The following TFB1M variants were observed in gnomAD, a reference collection of about 807,000 sequenced individuals.
TFB1M encodes transcription factor B1, mitochondrial, also known as dimethyladenosine transferase 1, mitochondrial.
In TFB1M, 27 loss-of-function variants were observed where a neutral mutation model predicts 31.1. The observed-to-expected ratio is 0.87, with a 90% confidence interval of 0.64 to 1.20. The LOEUF (loss-of-function observed/expected upper bound fraction) is 1.20, where lower values mean the gene tolerates loss of function less well. Ranked by LOEUF, TFB1M falls within the 50% of genes most tolerant of loss-of-function variation. The pLI, the probability that TFB1M is intolerant of heterozygous loss-of-function variation, is 0.00. For missense variants in TFB1M, 394 were observed against 418.7 expected, an observed-to-expected ratio of 0.94 and a Z score of 0.51; for synonymous variants, 166 against 151.8, an observed-to-expected ratio of 1.09 and a Z score of -0.69.
intron 1 of TFB1M, chr6:155,313,026 T>C (rs1440106004): frequency 1.3e-5 from 2 of 152,072 alleles, no homozygotes; most frequent in Admixed American, 6.6e-5. Context: ...GGCGAGTGGA[T>C]CACTTGAGAT....
At chr6:155,313,177 G>A (rs1033517151) in intron 1 of TFB1M, 1 of 151,970 alleles carries the variant, frequency 6.6e-6, no homozygotes, top group South Asian at 2.1e-4. Context: ...AACCGGGGAG[G>A]CGGAGGTTGC....
downstream of TFB1M, among the ~76,000 whole-genome samples, chr6:155,251,782 AT>A (rs1783671119): frequency 6.6e-6 from 1 of 152,246 alleles, no homozygotes; most frequent in Non-Finnish European, 1.5e-5. Context: ...TAGTTCAAAT[AT>A]GAGCGAAAGG....
the TFB1M span, chr6:155,250,456 G>T: frequency 2.6e-6 from 3 of 1,160,588 alleles, no homozygotes; most frequent in South Asian, 2.9e-5. Context: ...GCATAGTTTA[G>T]GGAGAAAATG....
intron 2 of TFB1M, among the ~76,000 whole-genome samples, chr6:155,305,870 G>A (rs1777742201): frequency 6.8e-6 from 1 of 147,138 alleles, no homozygotes; most frequent in Non-Finnish European, 1.5e-5. Flanking sequence ...CTGATAAATT[G>A]CACTTCATAA....
chr6:155,251,999 A>G (rs1783689256), downstream of TFB1M: 3 of 1,604,902 alleles, frequency 1.9e-6, no homozygotes, highest in Admixed American at 1.7e-5. Flanking sequence ...CTGAAAAAGA[A>G]ATTGGTAAGG....
Position 155,257,133 on chromosome 6 carries a change from C to CCAGATAT in TFB1M, c.*696_*702dup, listed in dbSNP as rs757958148. On this transcript the variant is annotated 3_prime_UTR_variant, in exon 7 of 7. Coordinates refer to ENST00000367166, the MANE Select transcript of TFB1M (RefSeq NM_016020.4). ...ACGGAAAATCATAGTATGATTCAATCCAGATATGGGTTAAATTCCTCATTT... is the reference window on the plus strand; with the variant it reads ...ACGGAAAATCATAGTATGATTCAATCCAGATATCAGATATGGGTTAAATTCCTCATTT... The CCAGATAT allele has an allele frequency of 1.2e-6, 2 of 1,607,962 alleles. No homozygotes were observed. Among genetic ancestry groups the CCAGATAT allele is most frequent in the Non-Finnish European group, 1.7e-6 (2 of 1,178,164 alleles).
In TFB1M at chr6:155,281,089, GAAT is replaced by G. The variant is rs200425569; in HGVS notation, c.666+4066_666+4068del. The stretch of plus-strand genomic sequence containing the variant: ...AATTATAATCCTTATTTTTATATCA[GAAT>G]ACTACAACTTAGTCCATAAATATTT... On this transcript the variant is annotated intron_variant, in intron 5 of 6. Transcript: ENST00000367166. Among the ~76,000 whole-genome samples the G allele has an allele frequency of 8.7e-3, 1,328 of 152,180 alleles. 10 individuals carry two copies. The highest frequency in any genetic ancestry group is 0.051 in the Middle Eastern group (15 of 294).
rs1162813321 is a variant in TFB1M at position 155,295,387 on chromosome 6, A to G, written c.546+1566T>C. Among the ~76,000 whole-genome samples the G allele has an allele frequency of 2.6e-5, 4 of 152,066 alleles. No homozygotes were observed. In the South Asian group the frequency reaches 6.2e-4, roughly 24 times the overall value. ...TCCAAAAAAAAAAAAGGACAAAACT[A>G]AAGTGTATTCATCATAGGAATATAA... On this transcript the variant is annotated intron_variant, in intron 4 of 6. Coordinates refer to ENST00000367166, the MANE Select transcript of TFB1M (RefSeq NM_016020.4).
the TFB1M span, chr6:155,245,609 C>T: frequency 2.1e-4 from 344 of 1,605,700 alleles, no homozygotes; most frequent in African/African-American, 4.5e-3. Flanking sequence ...TGACTTTCCC[C>T]TCTGCCCTTC....
At chr6:155,239,030 G>A in the TFB1M span, among the ~76,000 whole-genome samples, 1 of 152,160 alleles carries the variant, frequency 6.6e-6, no homozygotes, top group South Asian at 2.1e-4. Flanking sequence ...GCTTCAGTTT[G>A]TCAAGAGACA....
At chr6:155,234,593 T>C in the TFB1M span, among the ~76,000 whole-genome samples, 2 of 152,222 alleles carry the variant, frequency 1.3e-5, no homozygotes, top group Admixed American at 6.5e-5. Flanking sequence ...TTTGTAGCGA[T>C]GGGTTTCCCT....
rs921405025 is a variant in TFB1M, at chr6:155,257,464, T to A, written c.*372A>T. The A allele has an allele frequency of 4.1e-5, 14 of 340,066 alleles. No homozygotes were observed. The highest frequency in any genetic ancestry group is 6.9e-5 in the East Asian group (1 of 14,398). 21.1% of individuals were successfully genotyped at this position (340,066 alleles called of 1,614,324 possible). The stretch of plus-strand genomic sequence containing the variant: ...TAATAGTTTTCAAAGGGCCATTTTT[T>A]AAAATCCTCTGGGCATTTTCTTTCA... On this transcript the variant is annotated 3_prime_UTR_variant, in exon 7 of 7. Transcript: ENST00000367166.
intron 5 of TFB1M, among the ~76,000 whole-genome samples, chr6:155,269,469 G>A (rs1784827328): frequency 6.6e-6 from 1 of 151,950 alleles, no homozygotes; most frequent in Non-Finnish European, 1.5e-5. Flanking sequence ...CTAATGGCAT[G>A]TGCCACTACG....
At chr6:155,260,517 A>C in intron 5 of TFB1M, 117 bp from the exon 6 acceptor site, 3 of 1,346,136 alleles carry the variant, frequency 2.2e-6, no homozygotes, top group African/African-American at 2.8e-5. Flanking sequence ...TTTCATAAAC[A>C]GACCTTTCCA....
chr6:155,289,064 G>GTT (rs5881129), intron 4 of TFB1M, among the ~76,000 whole-genome samples: 12 of 150,064 alleles, frequency 8.0e-5, no homozygotes, highest in African/African-American at 1.5e-4. Context: ...AAGGACAGTG[G>GTT]TTTTTTTTTT....
chr6:155,288,859 T>C (rs1352943133), intron 4 of TFB1M, among the ~76,000 whole-genome samples: 1 of 152,208 alleles, frequency 6.6e-6, no homozygotes, highest in Non-Finnish European at 1.5e-5. Flanking sequence ...CAAATATACA[T>C]TACTGTTTCT....
At chr6:155,253,967 A>G (rs374503045), downstream of TFB1M, 24 of 1,609,986 alleles carry the variant, frequency 1.5e-5, no homozygotes, top group Non-Finnish European at 1.8e-5. Context: ...ATTTCCTTTT[A>G]CATAGGGACA....
At chr6:155,276,302 G>A (rs538851441) in intron 5 of TFB1M, 98 of 1,613,666 alleles carry the variant, frequency 6.1e-5, no homozygotes, top group South Asian at 5.7e-4. Flanking sequence ...AGCTAGACTC[G>A]ACCCACCCAC....
chr6:155,270,007 G>A (rs1413981100), intron 5 of TFB1M, among the ~76,000 whole-genome samples: 3 of 152,196 alleles, frequency 2.0e-5, no homozygotes, highest in African/African-American at 7.2e-5. Flanking sequence ...GAGGTCTTGC[G>A]CTACAGTGGA....
Sources: gnomAD v4.1 joint callset for allele counts (sites outside exome capture counted in the v4.1 genomes callset) on GRCh38, gnomAD v4.1.1 for gene constraint, MANE v1.5 for transcripts, NCBI Gene and HGNC (gene_info 2026-07-23, HGNC 2026-07-21) for gene names.